Variants in RIF1 observed in about 807,000 individuals in gnomAD.
The protein encoded by RIF1 is telomere-associated protein RIF1.
In RIF1, 45 loss-of-function variants were observed where a neutral mutation model predicts 247.1. That is an observed-to-expected ratio of 0.18 (90% CI 0.14 to 0.23). The LOEUF (loss-of-function observed/expected upper bound fraction) is 0.23, where lower values mean the gene tolerates loss of function less well. RIF1 is among the 10% of genes least tolerant of loss of function. The pLI, the probability that RIF1 is intolerant of heterozygous loss-of-function variation, is 1.00. For synonymous variants in RIF1, 1,087 were observed against 978.8 expected, an observed-to-expected ratio of 1.11 and a Z score of -2.06; for missense variants, 2,967 against 2,862.5, an observed-to-expected ratio of 1.04 and a Z score of -0.83.
chr2:151,511,415 G>GA (rs1392228419), downstream of RIF1, among the ~76,000 whole-genome samples: 1 of 152,110 alleles, frequency 6.6e-6, no homozygotes, highest in African/African-American at 2.4e-5. Context: ...GTAAAGGGTT[G>GA]AAATCCTTGA....
At chr2:151,518,166 CAT>C in the RIF1 span, among the ~76,000 whole-genome samples, 1 of 152,146 alleles carries the variant, frequency 6.6e-6, no homozygotes, top group Non-Finnish European at 1.5e-5. Context: ...TAATTTATAA[CAT>C]AAGAATTTGT....
At chr2:151,428,305 T>C (rs914330842) in intron 8 of RIF1, among the ~76,000 whole-genome samples, 7 of 152,232 alleles carry the variant, frequency 4.6e-5, no homozygotes, top group African/African-American at 1.7e-4. Flanking sequence ...TAATACTGTT[T>C]TTAAAAAATA....
intron 25 of RIF1, among the ~76,000 whole-genome samples, chr2:151,459,596 T>G (rs1695812545): frequency 6.6e-6 from 1 of 152,234 alleles, no homozygotes; most frequent in Non-Finnish European, 1.5e-5. Flanking sequence ...CTATATATTC[T>G]GTTGAGGGGA....
At chr2:151,425,650 T>C (rs1318209563) in intron 8 of RIF1, among the ~76,000 whole-genome samples, 1 of 146,946 alleles carries the variant, frequency 6.8e-6, no homozygotes, top group Non-Finnish European at 1.5e-5. Context: ...TATTAAATCC[T>C]TGTGGTACCC....
In RIF1 at chr2:151,496,996, A is replaced by G. The variant is rs1057524553; in HGVS notation, c.*513+1670A>G. On this transcript the variant is annotated intron_variant and NMD_transcript_variant, in intron 10 of 13. Transcript: ENST00000454583. ...TCTCTCCATCTCAGGAGTGACAGGT[A>G]GAGGGGTTCCCTTGCCCATGTTTTC... is the stretch of plus-strand genomic sequence containing the variant. The G allele has an allele frequency of 1.3e-6, 2 of 1,578,994 alleles. No individual in the cohort carries two copies. The highest frequency in any genetic ancestry group is 1.3e-5 in the African/African-American group (1 of 74,406).
rs1325579329 is a variant in RIF1, at chr2:151,479,215, A to T, written c.*4144A>T. On this transcript the variant is annotated 3_prime_UTR_variant, in exon 36 of 36. Coordinates refer to ENST00000444746, the MANE Select transcript of RIF1 (RefSeq NM_018151.5). ...CCTTTTATAACTGTCAATTTTGTGA[A>T]TTGGGGATGCAGACTGGTTTTGAAG... The T allele has an allele frequency of 6.6e-6, 1 of 152,150 alleles. No homozygotes were observed. Among genetic ancestry groups the T allele is most frequent in the Admixed American group, 6.6e-5 (1 of 15,258 alleles). The allele number at this position is 152,150 out of a possible 1,614,324, so 9.4% of individuals were successfully genotyped here.
intron 10 of RIF1, chr2:151,496,874 A>ATTATT: frequency 1.4e-6 from 2 of 1,434,964 alleles, no homozygotes; most frequent in East Asian, 2.5e-5. Flanking sequence ...ATTAATATGT[A>ATTATT]TTATTTTAAA....
chr2:151,526,362 T>A, the RIF1 span: 1 of 819,306 alleles, frequency 1.2e-6, no homozygotes, highest in Non-Finnish European at 2.0e-6. Context: ...TTGACAATAC[T>A]AAACTCAATA....
chr2:151,499,442 C>G (rs1278459105), exon 11 of RIF1: 4 of 960,876 alleles, frequency 4.2e-6, no homozygotes, highest in Non-Finnish European at 6.5e-6. Flanking sequence ...CAAAACAGCC[C>G]TTTCATCTAC....
chr2:151,456,035 T>G (rs976578646), intron 22 of RIF1, among the ~76,000 whole-genome samples: 9 of 152,164 alleles, frequency 5.9e-5, no homozygotes, highest in Non-Finnish European at 1.3e-4. Context: ...AAAATTGAAT[T>G]AATTTTGCAT....
intron 10 of RIF1, chr2:151,499,328 T>C (rs2062684554): frequency 6.5e-7 from 1 of 1,537,990 alleles, no homozygotes; most frequent in Non-Finnish European, 8.8e-7. Context: ...TGTGTTTGAC[T>C]CTCTCCATCT....
the RIF1 span, among the ~76,000 whole-genome samples, chr2:151,524,791 C>T: frequency 4.0e-5 from 6 of 150,534 alleles, no homozygotes; most frequent in East Asian, 2.0e-4. Context: ...CTCAGCCTCC[C>T]GAGTAGCTGG....
At chr2:151,483,237 G>A (rs944823668), downstream of RIF1, 16 of 152,144 alleles carry the variant, frequency 1.1e-4, no homozygotes, top group Admixed American at 7.9e-4. Context: ...CGTGGTAGTG[G>A]AGATATATAC....
chr2:151,499,785 A>G (rs529425164), intron 11 of RIF1, among the ~76,000 whole-genome samples: 6 of 152,350 alleles, frequency 3.9e-5, no homozygotes, highest in African/African-American at 7.2e-5. Context: ...TAACAGGCCA[A>G]ATCTATGCAA....
chr2:151,498,881 G>A (rs1262640215), intron 10 of RIF1, among the ~76,000 whole-genome samples: 1 of 117,372 alleles, frequency 8.5e-6, no homozygotes, highest in Non-Finnish European at 1.8e-5. Context: ...GGAGAGCAAT[G>A]ATAAGGTGCT....
At chr2:151,428,738 T>C (rs1198638719) in intron 8 of RIF1, 46 bp from the exon 9 acceptor site, 6 of 1,458,522 alleles carry the variant, frequency 4.1e-6, no homozygotes, top group Non-Finnish European at 5.8e-6. Flanking sequence ...AATTATTCTG[T>C]TTCATGCAGA....
At chr2:151,512,191 C>T (rs374560223), downstream of RIF1, among the ~76,000 whole-genome samples, 35 of 151,910 alleles carry the variant, frequency 2.3e-4, no homozygotes, top group East Asian at 5.6e-3. Context: ...CCACCACGCC[C>T]GGCTAATTTT....
At chr2:151,500,975 T>C (rs1559269356) in intron 11 of RIF1, among the ~76,000 whole-genome samples, 1 of 152,188 alleles carries the variant, frequency 6.6e-6, no homozygotes, top group Non-Finnish European at 1.5e-5. Context: ...ATAGGGTCTA[T>C]GTTAAGATGA....
At position 151,463,528 on chromosome 2, in the gene RIF1, A is replaced by G; in HGVS notation, c.4008A>G (p.Glu1336=). 1 of 1,614,090 alleles carries G rather than the reference A, an allele frequency of 6.2e-7. No individual in the cohort carries two copies. The highest frequency in any genetic ancestry group is 1.7e-5 in the Admixed American group (1 of 60,034). The change falls in exon 30 of 36, where the codon GAA becomes GAG. Residue 1336 remains glutamate, a synonymous_variant. Coordinates refer to ENST00000444746, the MANE Select transcript of RIF1 (RefSeq NM_018151.5). Reference sequence around the variant, plus strand: ...CACCTGGTTTGCTTAATCAAACAGAATGTGTGTCAGATAATCAGGTTCATC... The same window carrying G: ...CACCTGGTTTGCTTAATCAAACAGAGTGTGTGTCAGATAATCAGGTTCATC... ...NNPPGLLNQT[E]CVSDNQVHLS... is the part of the protein sequence containing the mutation.
Sources: gnomAD v4.1 joint callset for allele counts (sites outside exome capture counted in the v4.1 genomes callset) on GRCh38, gnomAD v4.1.1 for gene constraint, MANE v1.5 for transcripts, NCBI Gene and HGNC (gene_info 2026-07-23, HGNC 2026-07-21) for gene names.